The following CDC73 variants were observed in gnomAD, a reference collection of about 807,000 sequenced individuals.
CDC73 encodes the protein parafibromin.
CDC73 carries 21 observed loss-of-function variants against 83.7 expected under a neutral mutation model. That is an observed-to-expected ratio of 0.25 (90% confidence interval 0.18 to 0.36). The LOEUF is 0.36. Among genes scored for constraint, CDC73 ranks in the 10% least tolerant of loss-of-function variants. CDC73 has a pLI of 1.00. For missense variants in CDC73, 342 were observed against 653.3 expected (o/e 0.52, Z 5.19); for synonymous variants, 224 against 212.9 (o/e 1.05, Z -0.45).
intron 10 of CDC73, among the ~76,000 whole-genome samples, chr1:193,172,602 G>A (rs1676534536): frequency 6.6e-6 from 1 of 152,010 alleles, no homozygotes; most frequent in African/African-American, 2.4e-5. Flanking sequence ...GACAACCCGG[G>A]AACCATCTTG....
chr1:193,137,616 A>G (rs1330512414), intron 5 of CDC73, among the ~76,000 whole-genome samples: 1 of 152,196 alleles, frequency 6.6e-6, no homozygotes, highest in Non-Finnish European at 1.5e-5. Flanking sequence ...TCTAATGACC[A>G]TCCTTTGAAA....
intron 11 of CDC73, among the ~76,000 whole-genome samples, chr1:193,204,287 A>ATAT (rs1553287416): frequency 1.8e-4 from 24 of 133,962 alleles, no homozygotes; most frequent in African/African-American, 6.1e-4. Context: ...GTATATATAT[A>ATAT]TTTTTTTTTT....
chr1:193,143,343 A>G (rs1236112952), intron 7 of CDC73, among the ~76,000 whole-genome samples: 2 of 152,188 alleles, frequency 1.3e-5, no homozygotes, highest in African/African-American at 4.8e-5. Context: ...AAATATTGTG[A>G]CTTACGTTGA....
At chr1:193,130,580 G>A (rs1675677478) in intron 3 of CDC73, among the ~76,000 whole-genome samples, 1 of 152,118 alleles carries the variant, frequency 6.6e-6, no homozygotes, top group South Asian at 2.1e-4. Context: ...TTTAAAAAAT[G>A]TTTTTGATCC....
chr1:193,254,359 A>G lies in CDC73; in HGVS notation c.*3647A>G, dbSNP rs574298616. Reference sequence around the variant, plus strand: ...TGAAAATTTAATTACATTAGCCTTAATATTACTTGACTGAATTTCTACTAT... The same window carrying G: ...TGAAAATTTAATTACATTAGCCTTAGTATTACTTGACTGAATTTCTACTAT... On this transcript the variant is annotated 3_prime_UTR_variant, in exon 17 of 17. Coordinates refer to ENST00000367435, the MANE Select transcript of CDC73 (RefSeq NM_024529.5). Among the ~76,000 whole-genome samples, 7 of 152,218 alleles carry G rather than the reference A, an allele frequency of 4.6e-5. No homozygotes were observed. Among genetic ancestry groups the G allele is most frequent in the East Asian group, 1.9e-4 (1 of 5,190 alleles).
At chr1:193,146,141 GC>G (rs1348866595) in intron 7 of CDC73, among the ~76,000 whole-genome samples, 1 of 152,106 alleles carries the variant, frequency 6.6e-6, no homozygotes, top group African/African-American at 2.4e-5. Flanking sequence ...GTTCATGAGG[GC>G]AGCGACCATG....
intron 13 of CDC73, among the ~76,000 whole-genome samples, chr1:193,229,273 T>A (rs1677616213): frequency 6.6e-6 from 1 of 152,246 alleles, no homozygotes. Context: ...GAATTATTTA[T>A]GTTAGCTTTA....
chr1:193,150,088 A>G (rs1045822303), intron 8 of CDC73, among the ~76,000 whole-genome samples: 1 of 151,900 alleles, frequency 6.6e-6, no homozygotes, highest in Admixed American at 6.6e-5. Flanking sequence ...CTTGAGCAGC[A>G]TGGTGAAACT....
chr1:193,182,492 C>T (rs1676733854), intron 10 of CDC73, among the ~76,000 whole-genome samples: 2 of 152,072 alleles, frequency 1.3e-5, no homozygotes, highest in South Asian at 4.1e-4. Context: ...ATTAAAAGAG[C>T]TACTTTGAAA....
At chr1:193,130,147 A>G in intron 2 of CDC73, 27 bp from the exon 3 acceptor site, 2 of 1,032,144 alleles carry the variant, frequency 1.9e-6, no homozygotes, top group Non-Finnish European at 3.1e-6. Context: ...TATTCATTTC[A>G]TATCTCATTT....
At chr1:193,197,570 G>A (rs1433023631) in intron 10 of CDC73, among the ~76,000 whole-genome samples, 2 of 152,092 alleles carry the variant, frequency 1.3e-5, no homozygotes, top group African/African-American at 2.4e-5. Flanking sequence ...TAGGGACCTC[G>A]TGCTCTTGTT....
chr1:193,153,857 C>A (rs1271235066), intron 10 of CDC73, among the ~76,000 whole-genome samples: 1 of 152,118 alleles, frequency 6.6e-6, no homozygotes, highest in East Asian at 1.9e-4. Context: ...GTCAGAGATA[C>A]TTCTCTCAGG....
intron 2 of CDC73, among the ~76,000 whole-genome samples, chr1:193,129,610 T>G (rs969244194): frequency 6.6e-6 from 1 of 151,980 alleles, no homozygotes; most frequent in African/African-American, 2.4e-5. Context: ...CCTCCTGGGT[T>G]CCAGTGATTC....
chr1:193,224,837 A>G (rs564700829), intron 13 of CDC73, among the ~76,000 whole-genome samples: 3 of 150,864 alleles, frequency 2.0e-5, no homozygotes, highest in Admixed American at 6.6e-5. Flanking sequence ...TTTTTTTTCT[A>G]TTGTTTTAAA....
intron 15 of CDC73, 74 bp from the exon 16 acceptor site, chr1:193,249,656 G>T: frequency 8.8e-7 from 1 of 1,134,696 alleles, no homozygotes; most frequent in Non-Finnish European, 1.3e-6. Context: ...GGCTTCAGTT[G>T]GTGGAATAAA....
chr1:193,223,580 A>G (rs1677509916), intron 13 of CDC73, among the ~76,000 whole-genome samples: 1 of 152,126 alleles, frequency 6.6e-6, no homozygotes. Flanking sequence ...CTAGTTTACC[A>G]TTATGTTGAA....
intron 15 of CDC73, among the ~76,000 whole-genome samples, chr1:193,241,381 C>T (rs1677854697): frequency 6.6e-6 from 1 of 152,194 alleles, no homozygotes; most frequent in Non-Finnish European, 1.5e-5. Flanking sequence ...CCTTGGGCCC[C>T]AGTGGTGGCA....
chr1:193,124,874 T>C (rs1470866597), intron 1 of CDC73, among the ~76,000 whole-genome samples: 1 of 152,234 alleles, frequency 6.6e-6, no homozygotes, highest in Admixed American at 6.5e-5. Flanking sequence ...TCTAAAAAGT[T>C]TGTAGTACCT....
At chr1:193,163,095 A>G (rs1353811684) in intron 10 of CDC73, among the ~76,000 whole-genome samples, 2 of 151,988 alleles carry the variant, frequency 1.3e-5, no homozygotes, top group African/African-American at 4.8e-5. Context: ...ATAATTACCA[A>G]TTATTCTGAT....
Sources: gnomAD v4.1 joint callset for allele counts (sites outside exome capture counted in the v4.1 genomes callset) on GRCh38, gnomAD v4.1.1 for gene constraint, MANE v1.5 for transcripts, NCBI Gene and HGNC (gene_info 2026-07-23, HGNC 2026-07-21) for gene names.